The following CD99 variants were observed in gnomAD, a reference collection of about 807,000 sequenced individuals.
CD99 encodes the protein CD99 molecule (Xg blood group).
A neutral mutation model predicts 28.4 loss-of-function variants in CD99; 19 were observed. That is an observed-to-expected ratio of 0.67 (90% CI 0.47 to 0.98). CD99 has a LOEUF of 0.98. CD99 is among the 50% of genes least tolerant of loss of function. The pLI is 0.00. For synonymous variants in CD99, 103 were observed against 92.1 expected (o/e 1.12, Z -0.67); for missense variants, 283 against 248.8 (o/e 1.14, Z -0.92).
intron 2 of CD99, chrX:2,717,316 C>G (rs1464360975): frequency 2.7e-6 from 1 of 375,914 alleles, no homozygotes; most frequent in Non-Finnish European, 4.8e-6. Flanking sequence ...CCATTGCACT[C>G]CAGCTTGGGT....
At chrX:2,705,903 C>G (rs1228337181) in intron 1 of CD99, among the ~76,000 whole-genome samples, 5 of 152,052 alleles carry the variant, frequency 3.3e-5, no homozygotes, top group Admixed American at 2.6e-4. Context: ...AGGAGGACTT[C>G]CGGTGCTTGC....
chrX:2,721,006 T>C (rs1237368815), intron 5 of CD99, among the ~76,000 whole-genome samples: 2 of 152,188 alleles, frequency 1.3e-5, no homozygotes, highest in Non-Finnish European at 2.9e-5. Context: ...GTAGACTTGA[T>C]AAAGAGAAAA....
At chrX:2,728,881 G>A (rs1267401875) in intron 8 of CD99, among the ~76,000 whole-genome samples, 1 of 130,040 alleles carries the variant, frequency 7.7e-6, no homozygotes, top group Admixed American at 8.2e-5. Context: ...CTATCGCCCA[G>A]AATGGAGGGC....
At chrX:2,738,030 A>C in intron 8 of CD99, 170 bp from the exon 9 acceptor site, 2 of 744,686 alleles carry the variant, frequency 2.7e-6, no homozygotes, top group Non-Finnish European at 2.5e-6. Flanking sequence ...CTTCACTTAC[A>C]TGAGTGTTAG....
intron 1 of CD99, chrX:2,691,713 C>A: frequency 1.4e-6 from 1 of 707,308 alleles, no homozygotes; most frequent in East Asian, 2.7e-5. Context: ...CGATTTTTCC[C>A]AATCTAGGGG....
intron 4 of CD99, 44 bp downstream of exon 4, chrX:2,719,749 T>G (rs369652479): frequency 3.7e-4 from 569 of 1,553,330 alleles, no homozygotes; most frequent in Non-Finnish European, 4.6e-4. Flanking sequence ...ATCTGCTTAT[T>G]ATCACCCAAT....
chrX:2,723,800 C>A (rs1393880310), intron 7 of CD99, among the ~76,000 whole-genome samples: 1 of 152,158 alleles, frequency 6.6e-6, no homozygotes, highest in Non-Finnish European at 1.5e-5. Flanking sequence ...GCATTGTGTT[C>A]TCCATGGAAG....
chrX:2,709,377 C>A (rs1030364645), intron 1 of CD99, among the ~76,000 whole-genome samples: 1 of 152,168 alleles, frequency 6.6e-6, no homozygotes, highest in Admixed American at 6.5e-5. Flanking sequence ...TCAGATAGCA[C>A]CCTCACACAT....
chrX:2,702,531 C>T (rs2047908769), intron 1 of CD99, among the ~76,000 whole-genome samples: 1 of 152,194 alleles, frequency 6.6e-6, no homozygotes, highest in African/African-American at 2.4e-5. Flanking sequence ...GACTTGCCTG[C>T]TTACTAAAAT....
chrX:2,722,241 CCTT>C (rs1260534944), intron 5 of CD99, among the ~76,000 whole-genome samples: 1 of 151,990 alleles, frequency 6.6e-6, no homozygotes, highest in Non-Finnish European at 1.5e-5. Context: ...GATTTATAAG[CCTT>C]CTTCATTTAT....
intron 8 of CD99, 97 bp from the exon 9 acceptor site, chrX:2,738,103 C>CGTCGACCTCAGGAAAGCCCAA: frequency 9.3e-7 from 1 of 1,074,474 alleles, no homozygotes. Flanking sequence ...GCAATAGGAG[C>CGTCGACCTCAGGAAAGCCCAA]GTCGACCTCA....
At chrX:2,725,136 G>A (rs967185483) in intron 7 of CD99, among the ~76,000 whole-genome samples, 24 of 151,292 alleles carry the variant, frequency 1.6e-4, no homozygotes, top group African/African-American at 5.1e-4. Flanking sequence ...TGGCTCATGC[G>A]TGTAATCCCA....
At chrX:2,723,545 C>A in intron 7 of CD99, 181 bp downstream of exon 7, 2 of 688,490 alleles carry the variant, frequency 2.9e-6, no homozygotes, top group South Asian at 1.7e-5. Flanking sequence ...CCCAGCAAAC[C>A]AGCCCTGCTC....
chrX:2,726,450 C>T (rs749873707), intron 8 of CD99, 77 bp downstream of exon 8: 113 of 953,464 alleles, frequency 1.2e-4, no homozygotes, highest in Non-Finnish European at 1.6e-4. Context: ...AAGGCAGAAA[C>T]CAAACTCGGG....
chrX:2,738,136 G>GTAT, intron 8 of CD99, 64 bp from the exon 9 acceptor site: 1 of 1,443,148 alleles, frequency 6.9e-7, no homozygotes, highest in South Asian at 1.1e-5. Context: ...TGTTTTGTGT[G>GTAT]TATTTTGAGG....
chrX:2,739,181 C>T (rs1569452662), intron 9 of CD99, among the ~76,000 whole-genome samples: 1 of 152,104 alleles, frequency 6.6e-6, no homozygotes, highest in Non-Finnish European at 1.5e-5. Context: ...CTATCACCTT[C>T]TAAAAATCCT....
Position 2,691,996 on chromosome X carries a change from G to C in CD99, c.67+569G>C, listed in dbSNP as rs2047329911. The C allele has an allele frequency of 4.0e-6, 3 of 742,946 alleles. No individual in the cohort carries two copies. The Middle Eastern group carries it at 7.7e-4, about 190-fold the overall frequency. The allele number at this position is 742,946 out of a possible 1,614,324, so 46.0% of individuals were successfully genotyped here. On this transcript the variant is annotated intron_variant, in intron 1 of 9. Coordinates refer to ENST00000381192, the MANE Select transcript of CD99 (RefSeq NM_002414.5). ...GTGGATGCGGGCTCCGGGAATTTCA[G>C]CGCGTGCTGTGCGCCAAGCAACACG...
At chrX:2,713,080 A>G (rs892865337) in intron 1 of CD99, among the ~76,000 whole-genome samples, 4 of 151,508 alleles carry the variant, frequency 2.6e-5, no homozygotes, top group South Asian at 2.1e-4. Context: ...ATATTGACAC[A>G]TGCACACATG....
At chrX:2,714,297 A>C (rs2048580842) in intron 1 of CD99, 125 bp from the exon 2 acceptor site, 1 of 732,266 alleles carries the variant, frequency 1.4e-6, no homozygotes, top group Non-Finnish European at 2.2e-6. Context: ...GCACCTTGTA[A>C]ATTTTTTTAA....
Sources: gnomAD v4.1 joint callset for allele counts (sites outside exome capture counted in the v4.1 genomes callset) on GRCh38, gnomAD v4.1.1 for gene constraint, MANE v1.5 for transcripts, NCBI Gene and HGNC (gene_info 2026-07-23, HGNC 2026-07-21) for gene names.